The following TMEM179 variants were observed in gnomAD, a reference collection of about 807,000 sequenced individuals.
TMEM179 encodes the protein transmembrane protein 179.
TMEM179 carries 17 observed loss-of-function variants against 22.2 expected under a neutral mutation model. The ratio of observed to expected loss-of-function variants is 0.77; its 90% CI spans 0.52 to 1.15. The LOEUF (loss-of-function observed/expected upper bound fraction) is 1.15, where lower values mean the gene tolerates loss of function less well. TMEM179 is among the 50% of genes most tolerant of loss of function. The pLI, the probability that TMEM179 is intolerant of heterozygous loss-of-function variation, is 0.00. For missense variants in TMEM179, 265 were observed against 313.6 expected (o/e 0.84, Z 1.17); for synonymous variants, 127 against 140.5 (o/e 0.90, Z 0.68).
At chr14:104,599,340 G>A (rs1172221586) in intron 1 of TMEM179, among the ~76,000 whole-genome samples, 1 of 152,154 alleles carries the variant, frequency 6.6e-6, no homozygotes, top group Non-Finnish European at 1.5e-5. Context: ...GGGAGAGCAA[G>A]GTGGGAATTT....
At position 104,595,550 on chromosome 14, in the gene TMEM179, G is replaced by A. The variant is rs1186501328; in HGVS notation, c.444-307C>T. ...CCATGCCCCACACTCTGAGGATCAC[G>A]GGGTCTCAGAGGCCAGGCCCCTCCC... On this transcript the variant is annotated intron_variant, in intron 2 of 3. Transcript: ENST00000556573. This position sits in a 1 kb window ranked among gnomAD's most constrained non-coding sequence, Gnocchi z 5.7. Among the ~76,000 whole-genome samples the A allele has an allele frequency of 4.0e-5, 6 of 149,174 alleles. No individual in the cohort carries two copies. The highest frequency in any genetic ancestry group is 7.5e-5 in the Non-Finnish European group (5 of 66,906).
intron 1 of TMEM179, among the ~76,000 whole-genome samples, chr14:104,601,055 C>G (rs1887221318): frequency 6.6e-6 from 1 of 152,254 alleles, no homozygotes; most frequent in Non-Finnish European, 1.5e-5. Flanking sequence ...ACCACATGAG[C>G]TCCCTGTAAA....
chr14:104,594,010 G>T, intron 3 of TMEM179: 1 of 1,210,168 alleles, frequency 8.3e-7, no homozygotes. Context: ...CCGGCCTGTC[G>T]GCTCTAAGGA....
intron 3 of TMEM179, 86 bp from the exon 4 acceptor site, chr14:104,593,744 C>A: frequency 7.2e-7 from 1 of 1,395,156 alleles, no homozygotes; most frequent in South Asian, 1.5e-5. Context: ...AGGCTCTGCT[C>A]TGCAGGGAAA....
chr14:104,603,893 TC>T (rs1342867854), intron 1 of TMEM179, among the ~76,000 whole-genome samples: 2 of 152,158 alleles, frequency 1.3e-5, no homozygotes, highest in African/African-American at 2.4e-5. Context: ...GGCACAGCCC[TC>T]GCCCTGCAGT....
chr14:104,604,625 G>A lies in TMEM179; in HGVS notation c.117C>T (p.Cys39=). Residue 39 remains cysteine (C), a synonymous_variant, in exon 1 of 4, where the codon TGC becomes TGT. Transcript: ENST00000556573. This position sits in a 1 kb window ranked among gnomAD's most constrained non-coding sequence, Gnocchi z 4.6. Reference sequence around the variant, plus strand: ...GCCACATGCCCTCGGTGAAGAGCAGGCAGCGGCCGCGGAAGTCGTGGCCGT... The same window carrying A: ...GCCACATGCCCTCGGTGAAGAGCAGACAGCGGCCGCGGAAGTCGTGGCCGT... The part of the protein sequence containing the change: ...SENGHDFRGR[C]LLFTEGMWLS... 6.3e-7 allele frequency: 1 copy of A among 1,575,586 alleles called. No homozygotes were observed. The highest frequency in any genetic ancestry group is 8.6e-7 in the Non-Finnish European group (1 of 1,163,932).
At position 104,592,121 on chromosome 14, in the gene TMEM179, A is replaced by G. The variant is rs1310647745; in HGVS notation, c.*1358T>C. 1 of 156,222 alleles carries G rather than the reference A, an allele frequency of 6.4e-6. No individual in the cohort carries two copies. The highest frequency in any genetic ancestry group is 2.4e-5 in the African/African-American group (1 of 41,460). The allele number at this position is 156,222 out of a possible 1,614,324, so 9.7% of individuals were successfully genotyped here. A position where few individuals can be genotyped will look rare whatever the true frequency, so the allele number is the denominator to read the frequency against. On this transcript the variant is annotated 3_prime_UTR_variant, in exon 4 of 4. Coordinates refer to ENST00000556573, the MANE Select transcript of TMEM179 (RefSeq NM_001286389.2). ...CATGGGAGGGGCAGAGGGGCTGTCC[A>G]CACAGCACCCACGGCTCCCATCACG... is the stretch of plus-strand genomic sequence containing the variant.
In TMEM179 at chr14:104,597,178, G is replaced by A. The variant is rs757434435; in HGVS notation, c.306-51C>T. 47 of 1,532,908 alleles carry A rather than the reference G, an allele frequency of 3.1e-5. No homozygotes were observed. The East Asian group carries it at 3.4e-4, about 11-fold the overall frequency. 95.0% of individuals were successfully genotyped at this position (1,532,908 alleles called of 1,614,324 possible). A position where few individuals can be genotyped will look rare whatever the true frequency, so the allele number is the denominator to read the frequency against. ...GCTCACTGGACACCACCTCCCAGGC[G>A]ACCCCCGCCCCCAGGCTGCAGCCAG... On this transcript the variant is annotated intron_variant, in intron 1 of 3. Coordinates refer to ENST00000556573, the MANE Select transcript of TMEM179 (RefSeq NM_001286389.2). This position sits in a 1 kb window ranked among gnomAD's most constrained non-coding sequence, Gnocchi z 4.8.
rs1470215087 is a variant in TMEM179 at position 104,604,139 on chromosome 14, G to A, written c.305+298C>T. Among the ~76,000 whole-genome samples the A allele has an allele frequency of 4.6e-5, 7 of 152,346 alleles. No individual in the cohort carries two copies. The highest frequency in any genetic ancestry group is 3.4e-3 in the Middle Eastern group (1 of 294). ...CGCCCAGGAAGGTCCAGGCCTGCTG[G>A]GTGATGACAGTGCAACATCTGCAAC... On this transcript the variant is annotated intron_variant, in intron 1 of 3. Transcript: ENST00000556573. The surrounding 1 kb of genome is among the most constrained non-coding windows in gnomAD (Gnocchi z 4.6).
intron 3 of TMEM179, chr14:104,594,365 T>C (rs1354130934): frequency 1.6e-6 from 2 of 1,231,556 alleles, no homozygotes; most frequent in Non-Finnish European, 2.0e-6. Flanking sequence ...GCAAGAGCCT[T>C]CAGAGGCCAG....
rs768628581 is a variant in TMEM179, at chr14:104,595,139, C to T, written c.522+26G>A. 33 of 1,613,560 alleles carry T rather than the reference C, an allele frequency of 2.0e-5. No homozygotes were observed. Among genetic ancestry groups the T allele is most frequent in the Non-Finnish European group, 2.7e-5 (32 of 1,179,918 alleles). ...ATGGCCCCCTCCCAGCATTGCAAGC[C>T]TCCCTTCTTGCCCAGAGCCCCCTAC... On this transcript the variant is annotated intron_variant, in intron 3 of 3. Coordinates refer to ENST00000556573, the MANE Select transcript of TMEM179 (RefSeq NM_001286389.2). This position sits in a 1 kb window ranked among gnomAD's most constrained non-coding sequence, Gnocchi z 5.7.
chr14:104,598,019 C>G (rs922540048), intron 1 of TMEM179, among the ~76,000 whole-genome samples: 1 of 152,226 alleles, frequency 6.6e-6, no homozygotes, highest in Non-Finnish European at 1.5e-5. Flanking sequence ...AGGGCGCACA[C>G]GGCCATGGCT....
chr14:104,591,608 C>G lies in TMEM179; in HGVS notation c.*1871G>C. On this transcript the variant is annotated 3_prime_UTR_variant, in exon 4 of 4. Transcript: ENST00000556573. ...GCCTCGATCCCCCTGGACTTGACAC[C>G]CCCGATGGGCACCTGCCAGCCTCAC... The G allele has an allele frequency of 2.8e-6, 1 of 351,932 alleles. No homozygotes were observed. The highest frequency in any genetic ancestry group is 4.2e-4 in the Middle Eastern group (1 of 2,380). The allele number at this position is 351,932 out of a possible 1,614,324, so 21.8% of individuals were successfully genotyped here.
rs1886871571 is a variant in TMEM179, at chr14:104,592,249, TAGAC to T, written c.*1226_*1229del. The T allele has an allele frequency of 6.5e-6, 1 of 154,108 alleles. No individual in the cohort carries two copies. Among genetic ancestry groups the T allele is most frequent in the Admixed American group, 6.5e-5 (1 of 15,378 alleles). The allele number at this position is 154,108 out of a possible 1,614,324, so 9.5% of individuals were successfully genotyped here. Reference sequence around the variant, plus strand: ...TGCACACACTGCAGACACACCTGCCTAGACACTCACACCTACACACTCTTCCTCA... The same window carrying T: ...TGCACACACTGCAGACACACCTGCCTACTCACACCTACACACTCTTCCTCA... On this transcript the variant is annotated 3_prime_UTR_variant, in exon 4 of 4. Transcript: ENST00000556573.
Position 104,591,054 on chromosome 14 carries a change from G to C in TMEM179, c.*2425C>G. ...AGGCCCAATCCCCTGAGGGACCCTG[G>C]AGAGCCCACGACCAGGGCCGCCAGC... On this transcript the variant is annotated 3_prime_UTR_variant, in exon 4 of 4. Transcript: ENST00000556573. The C allele has an allele frequency of 3.9e-6, 1 of 255,204 alleles. No individual in the cohort carries two copies. Among genetic ancestry groups the C allele is most frequent in the South Asian group, 3.8e-5 (1 of 26,258 alleles). 15.8% of individuals were successfully genotyped at this position (255,204 alleles called of 1,614,324 possible).
At chr14:104,598,451 A>C (rs549948556) in intron 1 of TMEM179, among the ~76,000 whole-genome samples, 5 of 152,240 alleles carry the variant, frequency 3.3e-5, no homozygotes, top group Non-Finnish European at 7.3e-5. Context: ...CTGGAATCTC[A>C]GCCAAGAAAA....
rs1887345760 is a variant in TMEM179 at position 104,604,347 on chromosome 14, CG to C, written c.305+89del. 4.4e-6 allele frequency: 6 copies of C among 1,359,720 alleles called. No homozygotes were observed. In the South Asian group the frequency reaches 9.3e-5, roughly 21 times the overall value. 84.2% of individuals were successfully genotyped at this position (1,359,720 alleles called of 1,614,324 possible). Reference sequence around the variant, plus strand: ...GCGGGCCTCGGAGCTGCCTGAGAGACGGAGGGACTCGCGCGCCTCCCCGGGG... The same window carrying C: ...GCGGGCCTCGGAGCTGCCTGAGAGACGAGGGACTCGCGCGCCTCCCCGGGG... On this transcript the variant is annotated intron_variant, in intron 1 of 3. Transcript: ENST00000556573. This position sits in a 1 kb window ranked among gnomAD's most constrained non-coding sequence, Gnocchi z 4.6.
At chr14:104,602,637 C>A (rs1451938852) in intron 1 of TMEM179, among the ~76,000 whole-genome samples, 1 of 152,254 alleles carries the variant, frequency 6.6e-6, no homozygotes. Flanking sequence ...TCTCAAGCCT[C>A]TTCTTGGGAC....
At position 104,596,952 on chromosome 14, in the gene TMEM179, G is replaced by A. The variant is rs1367788689; in HGVS notation, c.443+38C>T. 3.1e-6 allele frequency: 5 copies of A among 1,589,214 alleles called. No individual in the cohort carries two copies. In the African/African-American group the frequency reaches 5.4e-5, roughly 17 times the overall value. On this transcript the variant is annotated intron_variant, in intron 2 of 3. Transcript: ENST00000556573. ...GCAGGGTGTCAAGGGATCTTCCGGG[G>A]AGGTGGGCGGAGGCCGAGGCGGGTG...
Sources: gnomAD v4.1 joint callset for allele counts (sites outside exome capture counted in the v4.1 genomes callset) on GRCh38, gnomAD v4.1.1 for gene constraint, Gnocchi (gnomAD v3.1) non-coding constraint, MANE v1.5 for transcripts, NCBI Gene and HGNC (gene_info 2026-07-23, HGNC 2026-07-21) for gene names.